ICE1: variants seen among roughly 807,000 people sequenced by gnomAD.
The protein encoded by ICE1 is little elongation complex subunit 1.
In ICE1, 64 loss-of-function variants were observed where a neutral mutation model predicts 192.7. That is an observed-to-expected ratio of 0.33 (90% CI 0.27 to 0.41). The LOEUF (loss-of-function observed/expected upper bound fraction) is 0.41, where lower values mean the gene tolerates loss of function less well. Among genes scored for constraint, ICE1 ranks in the 10% least tolerant of loss-of-function variants. The pLI, the probability that ICE1 is intolerant of heterozygous loss-of-function variation, is 1.00. For synonymous variants in ICE1, 1,010 were observed against 984.5 expected (o/e 1.03, Z -0.49); for missense variants, 2,708 against 2,696.0 (o/e 1.00, Z -0.10).
At chr5:5,445,896 A>G (rs1316406046) in intron 7 of ICE1, among the ~76,000 whole-genome samples, 7 of 149,852 alleles carry the variant, frequency 4.7e-5, no homozygotes, top group African/African-American at 1.7e-4. Context: ...TAACTTTTTT[A>G]TATTTTTAGT....
chr5:5,423,950 G>T (rs1737431937), intron 1 of ICE1, among the ~76,000 whole-genome samples: 2 of 152,166 alleles, frequency 1.3e-5, no homozygotes, highest in Admixed American at 6.5e-5. Flanking sequence ...TATTGGTCTT[G>T]TCTCTTAGCT....
chr5:5,488,438 T>A (rs1739686413), intron 18 of ICE1, among the ~76,000 whole-genome samples: 1 of 152,242 alleles, frequency 6.6e-6, no homozygotes, highest in Admixed American at 6.5e-5. Context: ...GTGGGTCATG[T>A]TGATGCTCCA....
Position 5,462,764 on chromosome 5 carries a change from A to G in ICE1, c.3430A>G (p.Arg1144Gly). Residue 1144 changes from arginine to glycine, a missense_variant, in exon 13 of 19, where the codon AGA (arginine) becomes GGA (glycine). This residue lies in a region of ICE1 where 2,366 missense variants were observed against 2,276.6 expected (regional missense o/e 1.04). Coordinates refer to ENST00000296564, the MANE Select transcript of ICE1 (RefSeq NM_015325.3). ...GDTDAAVAEV[R>G]PSLEVGYLTS... is the part of the protein sequence containing the mutation. ...CACAGATGCTGCTGTAGCCGAGGTG[A>G]GACCTTCCTTAGAGGTAGGTTATTT... 1 of 1,613,792 alleles carries G rather than the reference A, an allele frequency of 6.2e-7. No individual in the cohort carries two copies. Among genetic ancestry groups the G allele is most frequent in the Non-Finnish European group, 8.5e-7 (1 of 1,179,786 alleles).
At chr5:5,429,501 C>A (rs1011530140) in intron 1 of ICE1, among the ~76,000 whole-genome samples, 4 of 152,158 alleles carry the variant, frequency 2.6e-5, no homozygotes, top group African/African-American at 9.7e-5. Context: ...GGGATTCTGC[C>A]GAACATCCCG....
At chr5:5,484,039 G>A (rs2111406799) in intron 17 of ICE1, among the ~76,000 whole-genome samples, 1 of 152,148 alleles carries the variant, frequency 6.6e-6, no homozygotes, top group East Asian at 1.9e-4. Context: ...CAGTGCTGGG[G>A]ATTGCATTGT....
Position 5,462,641 on chromosome 5 carries a change from G to T in ICE1, c.3307G>T (p.Gly1103Trp), listed in dbSNP as rs202032453. Residue 1103 changes from glycine (G) to tryptophan (W), a missense_variant, in exon 13 of 19, where the codon GGG (glycine) becomes TGG (tryptophan). Transcript: ENST00000296564. ...TLHCYTGIRE[G>W]GDDTEVESEA... is the part of the protein sequence containing the mutation. ...ACATTGTTACACAGGCATTCGAGAGGGGGGAGACGACACTGAGGTAGAGAG... is the reference window on the plus strand; with the variant it reads ...ACATTGTTACACAGGCATTCGAGAGTGGGGAGACGACACTGAGGTAGAGAG... The T allele has an allele frequency of 7.9e-5, 128 of 1,613,954 alleles. No homozygotes were observed. In the African/African-American group the frequency reaches 1.4e-3, roughly 17 times the overall value.
At chr5:5,470,218 G>A (rs949602146) in intron 15 of ICE1, among the ~76,000 whole-genome samples, 12 of 152,104 alleles carry the variant, frequency 7.9e-5, no homozygotes. Context: ...TTCCCAGAGG[G>A]TTACCTGCCT....
chr5:5,437,825 C>T (rs1174482037), intron 3 of ICE1: 3 of 152,200 alleles, frequency 2.0e-5, no homozygotes, highest in Non-Finnish European at 4.4e-5. Context: ...AGTAAACATA[C>T]GTATACTCCT....
At chr5:5,443,687 C>A (rs558473850) in intron 6 of ICE1, among the ~76,000 whole-genome samples, 2 of 152,244 alleles carry the variant, frequency 1.3e-5, no homozygotes, top group African/African-American at 4.8e-5. Context: ...GGTATCTTTG[C>A]TACTATTCAT....
At chr5:5,481,751 C>G (rs940393854) in intron 17 of ICE1, among the ~76,000 whole-genome samples, 2 of 152,174 alleles carry the variant, frequency 1.3e-5, no homozygotes, top group Non-Finnish European at 2.9e-5. Context: ...ATGATAATAC[C>G]TTGTTTTCCT....
At position 5,443,201 on chromosome 5, in the gene ICE1, G is replaced by T; in HGVS notation, c.343G>T (p.Glu115Ter). The part of the protein sequence containing the change: ...SLKLYQDTHQ[E>*]YARVKEECLK... ...AAAGTTGTATCAGGATACTCATCAG[G>T]AATATGCTCGTGTAAAGGAAGAATG... is the stretch of plus-strand genomic sequence containing the variant. The change falls in exon 6 of 19, where the codon GAA becomes TAA. Residue 115 changes from glutamate (E) to a stop codon, truncating the protein, a stop_gained. Transcript: ENST00000296564. LOFTEE classifies it high-confidence loss of function. 6.6e-7 allele frequency: 1 copy of T among 1,514,926 alleles called. No homozygotes were observed. The highest frequency in any genetic ancestry group is 1.3e-5 in the South Asian group (1 of 78,682). The allele number at this position is 1,514,926 out of a possible 1,614,324, so 93.8% of individuals were successfully genotyped here.
At position 5,423,008 on chromosome 5, in the gene ICE1, C is replaced by T. The variant is rs1235918941; in HGVS notation, c.84+9C>T. The T allele has an allele frequency of 2.9e-6, 4 of 1,386,844 alleles. No individual in the cohort carries two copies. Among genetic ancestry groups the T allele is most frequent in the Non-Finnish European group, 3.7e-6 (4 of 1,067,606 alleles). The allele number at this position is 1,386,844 out of a possible 1,614,324, so 85.9% of individuals were successfully genotyped here. A position where few individuals can be genotyped will look rare whatever the true frequency, so the allele number is the denominator to read the frequency against. ...GCGCCTCTCTGCAGCAGGTGCAGCA[C>T]CTCCCGGGGCCCCGGGCGCGGGGGG... On this transcript the variant is annotated intron_variant, in intron 1 of 18. Coordinates refer to ENST00000296564, the MANE Select transcript of ICE1 (RefSeq NM_015325.3).
At position 5,457,592 on chromosome 5, in the gene ICE1, G is replaced by T. The variant is rs2111371155; in HGVS notation, c.952G>T (p.Glu318Ter). Residue 318 changes from glutamate to a stop codon, truncating the protein, a stop_gained, in exon 12 of 19, where the codon GAA (glutamate) becomes TAA (stop). Transcript: ENST00000296564. LOFTEE classifies it high-confidence loss of function. ...AAGTCATCGTGACGGTGGTAGTACT[G>T]AATTTGTTGATCATGATCATTTTTT... Reference protein sequence around the residue: ...VQSHRDGGSTEFVDHDHFFDE... With the variant: ...VQSHRDGGST 6.2e-7 allele frequency: 1 copy of T among 1,613,956 alleles called. No individual in the cohort carries two copies. The highest frequency in any genetic ancestry group is 8.5e-7 in the Non-Finnish European group (1 of 1,179,884).
chr5:5,444,980 C>T (rs1738168755), intron 7 of ICE1, among the ~76,000 whole-genome samples: 1 of 152,078 alleles, frequency 6.6e-6, no homozygotes, highest in Admixed American at 6.6e-5. Flanking sequence ...GGACACAGAC[C>T]TAATACCAAG....
At chr5:5,480,308 G>A (rs1401533282) in intron 17 of ICE1, among the ~76,000 whole-genome samples, 2 of 142,022 alleles carry the variant, frequency 1.4e-5, no homozygotes, top group Non-Finnish European at 3.0e-5. Flanking sequence ...GGAGTGCAGT[G>A]GCACCATCTC....
Position 5,463,091 on chromosome 5 carries a change from C to G in ICE1, c.3757C>G (p.Gln1253Glu). 8.1e-6 allele frequency: 13 copies of G among 1,613,376 alleles called. No individual in the cohort carries two copies. The highest frequency in any genetic ancestry group is 1.1e-5 in the Non-Finnish European group (13 of 1,179,658). The change falls in exon 13 of 19, where the codon CAG (glutamine) becomes GAG (glutamate). Residue 1253 changes from glutamine (Q) to glutamate (E), a missense_variant. Physicochemically the swap from Gln to Glu is conservative, Grantham distance 29. Coordinates refer to ENST00000296564, the MANE Select transcript of ICE1 (RefSeq NM_015325.3). ...GTTAAAAAATACAAGTCAGCTCACTCAGTGTTCTTTGGAAACTCTGTCTGA... is the reference window on the plus strand; with the variant it reads ...GTTAAAAAATACAAGTCAGCTCACTGAGTGTTCTTTGGAAACTCTGTCTGA... Reference protein sequence around the residue: ...YSLKNTSQLTQCSLETLSEVL... With the variant: ...YSLKNTSQLTECSLETLSEVL...
intron 18 of ICE1, among the ~76,000 whole-genome samples, chr5:5,488,680 A>G (rs1739692128): frequency 1.3e-5 from 2 of 152,208 alleles, no homozygotes; most frequent in South Asian, 2.1e-4. Context: ...GTACGCTACA[A>G]AAAGTTTTTC....
chr5:5,464,326 T>C lies in ICE1; in HGVS notation c.4992T>C (p.Ser1664=), dbSNP rs2111385051. ...GTTCTAGTCCTTCCTCACCAGCCTC[T>C]CCTGTTGGCCAGGTTTCTCCCTTCC... ...ISSSSPSSPA[S]PVGQVSPFRE... The change falls in exon 13 of 19, where the codon TCT becomes TCC. Residue 1664 remains serine (S), a synonymous_variant. Transcript: ENST00000296564. This position sits in a 1 kb window ranked among gnomAD's most constrained non-coding sequence, Gnocchi z 4.0. 6.2e-7 allele frequency: 1 copy of C among 1,613,584 alleles called. No individual in the cohort carries two copies. The highest frequency in any genetic ancestry group is 8.5e-7 in the Non-Finnish European group (1 of 1,179,798).
chr5:5,450,939 G>A (rs1738398729), intron 10 of ICE1, among the ~76,000 whole-genome samples: 1 of 152,062 alleles, frequency 6.6e-6, no homozygotes, highest in African/African-American at 2.4e-5. Context: ...GACAAGGGAT[G>A]GAATTGGAAT....
Sources: gnomAD v4.1 joint callset for allele counts (sites outside exome capture counted in the v4.1 genomes callset) on GRCh38, gnomAD v4.1.1 for gene constraint, gnomAD v4.1.1 regional missense constraint, Gnocchi (gnomAD v3.1) non-coding constraint, MANE v1.5 for transcripts, NCBI Gene and HGNC (gene_info 2026-07-23, HGNC 2026-07-21) for gene names.